Variants in NPC1 observed in about 807,000 individuals in gnomAD.
NPC1 encodes the protein NPC intracellular cholesterol transporter 1, also known as Niemann-Pick C1 protein.
Under a neutral mutation model 140.4 loss-of-function variants are expected in NPC1, and 85 were observed. That is an observed-to-expected ratio of 0.61 (90% CI 0.51 to 0.72). The LOEUF (loss-of-function observed/expected upper bound fraction) is 0.72. NPC1 is among the 30% of genes least tolerant of loss of function. The pLI is 0.00. For missense variants in NPC1, 1,504 were observed against 1,623.8 expected, an observed-to-expected ratio of 0.93 and a Z score of 1.27; for synonymous variants, 656 against 624.8, an observed-to-expected ratio of 1.05 and a Z score of -0.74.
chr18:23,544,568 TTGTC>T, intron 12 of NPC1, 42 bp from the exon 13 acceptor site: 1 of 1,583,978 alleles, frequency 6.3e-7, no homozygotes, highest in Non-Finnish European at 8.7e-7. Context: ...AGTTACAGGG[TTGTC>T]TGTCCCACTT....
At position 23,540,442 on chromosome 18, in the gene NPC1, T is replaced by C; in HGVS notation, c.2604+6A>G. 1.3e-6 allele frequency: 2 copies of C among 1,512,052 alleles called. No individual in the cohort carries two copies. The highest frequency in any genetic ancestry group is 9.2e-7 in the Non-Finnish European group (1 of 1,092,720). 93.7% of individuals were successfully genotyped at this position (1,512,052 alleles called of 1,614,324 possible). On this transcript the variant is annotated splice_donor_region_variant and intron_variant, in intron 17 of 24. Transcript: ENST00000269228. ...TAAAAAAAAAAAAAAAAGGAAGTCA[T>C]CTTACATCTGGCATCGAAAGAGACT...
chr18:23,531,760 A>G lies in NPC1; in HGVS notation c.*442T>C. ...TGTACAAAGTTAATTTATTGCATTAATAAAGCTCTTTAAACTATAAAATGT... is the reference window on the plus strand; with the variant it reads ...TGTACAAAGTTAATTTATTGCATTAGTAAAGCTCTTTAAACTATAAAATGT... On this transcript the variant is annotated 3_prime_UTR_variant, in exon 25 of 25. Coordinates refer to ENST00000269228, the MANE Select transcript of NPC1 (RefSeq NM_000271.5). The G allele has an allele frequency of 1.3e-6, 2 of 1,585,176 alleles. No individual in the cohort carries two copies. The highest frequency in any genetic ancestry group is 2.3e-5 in the South Asian group (2 of 85,900).
chr18:23,520,192 T>C (rs1292692631), downstream of NPC1: 35 of 1,607,082 alleles, frequency 2.2e-5, no homozygotes, highest in African/African-American at 6.7e-5. Flanking sequence ...CTTGTCTTTT[T>C]CCCCCCCAGA....
chr18:23,539,703 A>G, intron 18 of NPC1, 108 bp downstream of exon 18: 1 of 1,299,596 alleles, frequency 7.7e-7, no homozygotes, highest in South Asian at 1.2e-5. Flanking sequence ...CATAAAAACA[A>G]CTTTTCCAAG....
chr18:23,556,468 GC>G lies in NPC1; in HGVS notation c.1100del (p.Gly367AlafsTer82). ...TGGTTGTGACCCGGACAAACACCAG[GC>G]CTGACGAACACGCAGTAATGAAGAC... is the stretch of plus-strand genomic sequence containing the variant. The part of the protein sequence containing the change: ...SLVFITACSS[G>X]LVFVRVTTNP... On this transcript the variant is annotated frameshift_variant, in exon 8 of 25. Coordinates refer to ENST00000269228, the MANE Select transcript of NPC1 (RefSeq NM_000271.5). LOFTEE classifies it high-confidence loss of function. 6.2e-7 allele frequency: 1 copy of G among 1,614,192 alleles called. No homozygotes were observed. The highest frequency in any genetic ancestry group is 8.5e-7 in the Non-Finnish European group (1 of 1,180,026).
At chr18:23,524,153 T>C in intron 1 of NPC1, 3 of 1,614,080 alleles carry the variant, frequency 1.9e-6, no homozygotes, top group Non-Finnish European at 1.7e-6. Context: ...GACCAGCCAG[T>C]CTCCTGTTCC....
Position 23,535,615 on chromosome 18 carries a change from G to A in NPC1, c.3331C>T (p.Leu1111=), listed in dbSNP as rs151125564. Residue 1111 remains leucine, a synonymous_variant, in exon 22 of 25, where the codon CTG becomes TTG. Transcript: ENST00000269228. ...NLGVSLGAIF[L]VTMVLLGCEL... Reference sequence around the variant, plus strand: ...CAGCCCAGGAGGACCATGGTCACCAGAAATATCGCGCCCAGGGACACACCG... The same window carrying A: ...CAGCCCAGGAGGACCATGGTCACCAAAAATATCGCGCCCAGGGACACACCG... The A allele has an allele frequency of 2.1e-3, 3,358 of 1,614,184 alleles. 5 individuals carry two copies. The highest frequency in any genetic ancestry group is 2.5e-3 in the Non-Finnish European group (2,969 of 1,180,026).
intron 11 of NPC1, among the ~76,000 whole-genome samples, chr18:23,546,430 G>A (rs1216225354): frequency 1.3e-5 from 2 of 152,058 alleles, no homozygotes; most frequent in African/African-American, 4.8e-5. Context: ...GACGTAAAGC[G>A]CTATAGCCAC....
downstream of NPC1, chr18:23,529,242 G>A (rs776010486): frequency 1.9e-6 from 3 of 1,614,072 alleles, no homozygotes; most frequent in South Asian, 3.3e-5. Flanking sequence ...GACCCAGGCG[G>A]TGCTGGACCA....
intron 12 of NPC1, 123 bp from the exon 13 acceptor site, chr18:23,544,649 T>C (rs577307441): frequency 3.2e-6 from 3 of 928,152 alleles, no homozygotes; most frequent in Admixed American, 2.0e-5. Flanking sequence ...TGTACAATTC[T>C]GTGTTTCAGA....
chr18:23,518,680 T>C (rs1025428778), downstream of NPC1, among the ~76,000 whole-genome samples: 2 of 152,232 alleles, frequency 1.3e-5, no homozygotes, highest in Admixed American at 6.5e-5. Context: ...TTTTAAAATA[T>C]TATGATCAAG....
intron 2 of NPC1, among the ~76,000 whole-genome samples, chr18:23,572,522 T>G (rs2059218327): frequency 6.6e-6 from 1 of 152,180 alleles, no homozygotes; most frequent in Admixed American, 6.5e-5. Context: ...AGTTGAAACC[T>G]TTAATAATTA....
chr18:23,534,484 C>T lies in NPC1; in HGVS notation c.3553G>A (p.Glu1185Lys), dbSNP rs750739947. ...TGGGCAAGTGCCTCTTCCGCGCGCTCCACGCGGCTGCCTTTCATGCTCACC... is the reference window on the plus strand; with the variant it reads ...TGGGCAAGTGCCTCTTCCGCGCGCTTCACGCGGCTGCCTTTCATGCTCACC... ...FTVSMKGSRV[E>K]RAEEALAHMG... The change falls in exon 23 of 25, where the codon GAG becomes AAG. Residue 1185 changes from glutamate (E) to lysine (K), a missense_variant. Transcript: ENST00000269228. 6.2e-7 allele frequency: 1 copy of T among 1,614,054 alleles called. No homozygotes were observed. The highest frequency in any genetic ancestry group is 1.1e-5 in the South Asian group (1 of 91,088).
chr18:23,557,156 C>T lies in NPC1; in HGVS notation c.916G>A (p.Asp306Asn), dbSNP rs747243586. The stretch of plus-strand genomic sequence containing the variant: ...TTAACAGAAAAAGCTATATTGCTAT[C>T]GATGGGAGTGTACTCGGAGACAAAA... ...RYFVSEYTPI[D>N]SNIAFSVNAS... The change falls in exon 7 of 25, where the codon GAT becomes AAT. Residue 306 changes from aspartate (D) to asparagine (N), a missense_variant. Transcript: ENST00000269228. 9 of 1,613,646 alleles carry T rather than the reference C, an allele frequency of 5.6e-6. No homozygotes were observed. The highest frequency in any genetic ancestry group is 3.3e-5 in the South Asian group (3 of 91,084).
At chr18:23,569,214 C>T (rs928061232) in intron 3 of NPC1, among the ~76,000 whole-genome samples, 2 of 152,134 alleles carry the variant, frequency 1.3e-5, no homozygotes, top group African/African-American at 4.8e-5. Flanking sequence ...TTTATTGTGT[C>T]CAATTATAAT....
downstream of NPC1, chr18:23,528,108 A>G: frequency 2.0e-6 from 1 of 506,880 alleles, no homozygotes; most frequent in Non-Finnish European, 3.5e-6. Context: ...TGGCGGCTGC[A>G]TCTCACTTCA....
intron 3 of NPC1, chr18:23,507,941 T>C: frequency 1.3e-6 from 2 of 1,590,404 alleles, no homozygotes; most frequent in East Asian, 2.3e-5. Context: ...GGCAGTATGC[T>C]GCCTAATCCA....
At chr18:23,539,276 G>T in intron 19 of NPC1, 79 bp downstream of exon 19, 2 of 933,908 alleles carry the variant, frequency 2.1e-6, no homozygotes, top group Non-Finnish European at 3.5e-6. Flanking sequence ...ATAAACTGAG[G>T]CACGATGCAA....
At chr18:23,577,799 G>A (rs1166855023) in intron 1 of NPC1, among the ~76,000 whole-genome samples, 2 of 152,268 alleles carry the variant, frequency 1.3e-5, no homozygotes, top group South Asian at 2.1e-4. Context: ...AAGGCCCAGC[G>A]AGAAATCGAG....
Sources: allele counts gnomAD v4.1 joint callset (sites outside exome capture counted in the v4.1 genomes callset), GRCh38; gene constraint gnomAD v4.1.1; transcripts MANE v1.5; gene names NCBI Gene and HGNC (gene_info 2026-07-23, HGNC 2026-07-21).